The following ERVFRD-1 variants were observed in gnomAD, a reference collection of about 807,000 sequenced individuals.
The protein encoded by ERVFRD-1 is syncytin-2.
ERVFRD-1 carries 33 observed loss-of-function variants against 43.8 expected under a neutral mutation model. That is an observed-to-expected ratio of 0.75 (90% CI 0.57 to 1.01). The LOEUF (loss-of-function observed/expected upper bound fraction) is 1.01, where lower values mean the gene tolerates loss of function less well. Ranked by LOEUF, ERVFRD-1 falls within the 50% of genes least tolerant of loss-of-function variation. ERVFRD-1 has a pLI of 0.00. For missense variants in ERVFRD-1, 568 were observed against 658.4 expected (o/e 0.86, Z 1.50); for synonymous variants, 239 against 244.4 (o/e 0.98, Z 0.21).
In ERVFRD-1 at chr6:11,105,167, G is replaced by A; in HGVS notation, c.144C>T (p.Ser48=). 3 of 1,614,210 alleles carry A rather than the reference G, an allele frequency of 1.9e-6. No homozygotes were observed. Among genetic ancestry groups the A allele is most frequent in the Non-Finnish European group, 2.5e-6 (3 of 1,180,030 alleles). Residue 48 remains serine, a synonymous_variant, in exon 2 of 2, where the codon AGC becomes AGT. Coordinates refer to ENST00000472091, the MANE Select transcript of ERVFRD-1 (RefSeq NM_207582.3). ...CTGTCCCTGGTGTTTCAGTGGAAGAGCTAGTACATAACCAGCAATTGGTGG... is the reference window on the plus strand; with the variant it reads ...CTGTCCCTGGTGTTTCAGTGGAAGAACTAGTACATAACCAGCAATTGGTGG... ...PYSTNCWLCT[S]SSTETPGTAY...
chr6:11,105,136 G>C lies in ERVFRD-1; in HGVS notation c.175C>G (p.Pro59Ala). 1.2e-6 allele frequency: 2 copies of C among 1,614,220 alleles called. No homozygotes were observed. Among genetic ancestry groups the C allele is most frequent in the Non-Finnish European group, 1.7e-6 (2 of 1,180,038 alleles). Reference sequence around the variant, plus strand: ...CTTGTCCATTCTCTGGGCGAGGCTGGATAAGCTGTCCCTGGTGTTTCAGTG... The same window carrying C: ...CTTGTCCATTCTCTGGGCGAGGCTGCATAAGCTGTCCCTGGTGTTTCAGTG... ...SSTETPGTAY[P>A]ASPREWTSIE... is the part of the protein sequence containing the mutation. The change falls in exon 2 of 2, where the codon CCA (proline) becomes GCA (alanine). Residue 59 changes from proline to alanine, a missense_variant. Pro to Ala is a conservative substitution (Grantham distance 27, BLOSUM62 -1). Coordinates refer to ENST00000472091, the MANE Select transcript of ERVFRD-1 (RefSeq NM_207582.3).
chr6:11,103,558 G>A lies in ERVFRD-1; in HGVS notation c.*136C>T. 8.3e-6 allele frequency: 11 copies of A among 1,318,686 alleles called. No individual in the cohort carries two copies. Among genetic ancestry groups the A allele is most frequent in the Non-Finnish European group, 1.1e-5 (11 of 994,910 alleles). 81.7% of individuals were successfully genotyped at this position (1,318,686 alleles called of 1,614,324 possible). A position where few individuals can be genotyped will look rare whatever the true frequency, so the allele number is the denominator to read the frequency against. ...AGGGGCTGTAGTGGTTGTTCTGTGG[G>A]TCTTGGCCTCTTGCTAGCTGTCAGG... On this transcript the variant is annotated 3_prime_UTR_variant, in exon 2 of 2. Coordinates refer to ENST00000472091, the MANE Select transcript of ERVFRD-1 (RefSeq NM_207582.3).
In ERVFRD-1 at chr6:11,103,673, C is replaced by G; in HGVS notation, c.*21G>C. The stretch of plus-strand genomic sequence containing the variant: ...TTTCGCCTCTGTCGTGTTCCACTAG[C>G]GAGCAGTCTAGGGGTCCTCCTTAGA... On this transcript the variant is annotated 3_prime_UTR_variant, in exon 2 of 2. Transcript: ENST00000472091. The G allele has an allele frequency of 1.3e-6, 2 of 1,523,880 alleles. No homozygotes were observed. The highest frequency in any genetic ancestry group is 1.8e-6 in the Non-Finnish European group (2 of 1,133,656). 94.4% of individuals were successfully genotyped at this position (1,523,880 alleles called of 1,614,324 possible). A position where few individuals can be genotyped will look rare whatever the true frequency, so the allele number is the denominator to read the frequency against.
At chr6:11,109,382 G>C (rs1758136587) in intron 1 of ERVFRD-1, among the ~76,000 whole-genome samples, 1 of 152,212 alleles carries the variant, frequency 6.6e-6, no homozygotes. Context: ...AACTTAAGGA[G>C]GTGGTGTCCA....
Position 11,104,447 on chromosome 6 carries a change from G to A in ERVFRD-1, c.864C>T (p.Ile288=). 1 of 1,551,858 alleles carries A rather than the reference G, an allele frequency of 6.4e-7. No individual in the cohort carries two copies. Among genetic ancestry groups the A allele is most frequent in the Non-Finnish European group, 8.7e-7 (1 of 1,147,058 alleles). The part of the protein sequence containing the change: ...TSLTPLFHFH[I]STCLKTQGAF... Reference sequence around the variant, plus strand: ...CTCCTTGAGTTTTAAGGCATGTAGAGATATGGAAATGAAATAAGGGGGTGA... The same window carrying A: ...CTCCTTGAGTTTTAAGGCATGTAGAAATATGGAAATGAAATAAGGGGGTGA... The change falls in exon 2 of 2, where the codon ATC becomes ATT. Residue 288 remains isoleucine (I), a synonymous_variant. Coordinates refer to ENST00000472091, the MANE Select transcript of ERVFRD-1 (RefSeq NM_207582.3).
chr6:11,109,137 G>A (rs1056062963), intron 1 of ERVFRD-1, among the ~76,000 whole-genome samples: 92 of 152,340 alleles, frequency 6.0e-4, no homozygotes, highest in African/African-American at 2.0e-3. Context: ...TTGTTGGACC[G>A]CCACCATAAT....
rs572727451 is a variant in ERVFRD-1 at position 11,105,340 on chromosome 6, G to A, written c.-30C>T. The stretch of plus-strand genomic sequence containing the variant: ...ACCTAAGAGAAACTGGTCACAAAAC[G>A]AGCTGCCAATGGAACTCCTGGTGGT... On this transcript the variant is annotated 5_prime_UTR_variant, in exon 2 of 2. Coordinates refer to ENST00000472091, the MANE Select transcript of ERVFRD-1 (RefSeq NM_207582.3). The A allele has an allele frequency of 1.3e-5, 20 of 1,550,884 alleles. No homozygotes were observed. Among genetic ancestry groups the A allele is most frequent in the Middle Eastern group, 1.7e-4 (1 of 5,850 alleles).
rs1258324122 is a variant in ERVFRD-1, at chr6:11,105,524, G to A, written c.-214C>T. The A allele has an allele frequency of 5.7e-6, 3 of 529,656 alleles. No individual in the cohort carries two copies. The East Asian group carries it at 9.7e-5, about 17-fold the overall frequency. 32.8% of individuals were successfully genotyped at this position (529,656 alleles called of 1,614,324 possible). ...TTAGATCTTCCAGTGCCTTGCAAGTGTATTCCGGAGCTGAGGTTGCTGGTT... is the reference window on the plus strand; with the variant it reads ...TTAGATCTTCCAGTGCCTTGCAAGTATATTCCGGAGCTGAGGTTGCTGGTT... On this transcript the variant is annotated 5_prime_UTR_variant, in exon 2 of 2. Transcript: ENST00000472091.
chr6:11,103,691 T>G lies in ERVFRD-1; in HGVS notation c.*3A>C. On this transcript the variant is annotated 3_prime_UTR_variant, in exon 2 of 2. Transcript: ENST00000472091. ...CCACTAGCGAGCAGTCTAGGGGTCC[T>G]CCTTAGAAGGGTGACTCTTGAATAT... is the stretch of plus-strand genomic sequence containing the variant. The G allele has an allele frequency of 6.5e-7, 1 of 1,548,074 alleles. No homozygotes were observed. The highest frequency in any genetic ancestry group is 8.7e-7 in the Non-Finnish European group (1 of 1,145,062).
In ERVFRD-1 at chr6:11,103,797, T is replaced by G. The variant is rs1355627237; in HGVS notation, c.1514A>C (p.Asn505Thr). 1.3e-6 allele frequency: 2 copies of G among 1,551,622 alleles called. No homozygotes were observed. Among genetic ancestry groups the G allele is most frequent in the South Asian group, 1.2e-5 (1 of 84,056 alleles). ...LLLLFGPCLL[N>T]LITQFVSSRL... Reference sequence around the variant, plus strand: ...AGAGGAGACAAATTGGGTTATTAGATTTAGGAGACATGGACCAAAAAGGAG... The same window carrying G: ...AGAGGAGACAAATTGGGTTATTAGAGTTAGGAGACATGGACCAAAAAGGAG... The change falls in exon 2 of 2, where the codon AAT (asparagine) becomes ACT (threonine). Residue 505 changes from asparagine to threonine, a missense_variant. Coordinates refer to ENST00000472091, the MANE Select transcript of ERVFRD-1 (RefSeq NM_207582.3).
Position 11,104,702 on chromosome 6 carries a change from T to A in ERVFRD-1, c.609A>T (p.Arg203=). 7 of 1,614,210 alleles carry A rather than the reference T, an allele frequency of 4.3e-6. No individual in the cohort carries two copies. The highest frequency in any genetic ancestry group is 5.9e-6 in the Non-Finnish European group (7 of 1,180,036). Reference sequence around the variant, plus strand: ...AATCAGCAGGCCGGAACCAGAAGTTTCGAGTACTGCATGAGCTTGGGCGTC... The same window carrying A: ...AATCAGCAGGCCGGAACCAGAAGTTACGAGTACTGCATGAGCTTGGGCGTC... ...CQGRPSSCST[R]NFWFRPADYN... Residue 203 remains arginine (R), a synonymous_variant, in exon 2 of 2, where the codon CGA becomes CGT. Transcript: ENST00000472091.
rs767814724 is a variant in ERVFRD-1 at position 11,105,004 on chromosome 6, T to C, written c.307A>G (p.Ile103Val). The C allele has an allele frequency of 1.5e-5, 25 of 1,614,082 alleles. No homozygotes were observed. In the South Asian group the frequency reaches 2.5e-4, roughly 16 times the overall value. ...CCGAAAATGGGAGGTTTCTGGCGGATATCAGGGAAATCTTGCTTTACTGTT... is the reference window on the plus strand; with the variant it reads ...CCGAAAATGGGAGGTTTCTGGCGGACATCAGGGAAATCTTGCTTTACTGTT... ...LSTVKQDFPD[I>V]RQKPPIFGPI... is the part of the protein sequence containing the mutation. Residue 103 changes from isoleucine (I) to valine (V), a missense_variant, in exon 2 of 2, where the codon ATC (isoleucine) becomes GTC (valine). Coordinates refer to ENST00000472091, the MANE Select transcript of ERVFRD-1 (RefSeq NM_207582.3).
chr6:11,111,041 G>A (rs1187637499), intron 1 of ERVFRD-1, among the ~76,000 whole-genome samples: 4 of 152,280 alleles, frequency 2.6e-5, no homozygotes, highest in East Asian at 3.9e-4. Context: ...TGTCTATCCC[G>A]GCAGTGAGCC....
At position 11,103,930 on chromosome 6, in the gene ERVFRD-1, T is replaced by G; in HGVS notation, c.1381A>C (p.Ser461Arg). The G allele has an allele frequency of 6.4e-7, 1 of 1,551,662 alleles. No individual in the cohort carries two copies. Among genetic ancestry groups the G allele is most frequent in the Non-Finnish European group, 8.7e-7 (1 of 1,146,984 alleles). Residue 461 changes from serine (S) to arginine (R), a missense_variant, in exon 2 of 2, where the codon AGT becomes CGT. Ser to Arg is a moderately radical substitution (Grantham distance 110). Coordinates refer to ENST00000472091, the MANE Select transcript of ERVFRD-1 (RefSeq NM_207582.3). Reference sequence around the variant, plus strand: ...CCCTGAGTGGCTCGTTCCCGTAAACTGGAGGCTTGATTTAGGAGTTGTCTG... The same window carrying G: ...CCCTGAGTGGCTCGTTCCCGTAAACGGGAGGCTTGATTTAGGAGTTGTCTG... ...NIRQLLNQAS[S>R]LRERATQGWL... is the part of the protein sequence containing the mutation.
Position 11,104,305 on chromosome 6 carries a change from GA to G in ERVFRD-1, c.1005del (p.Pro336GlnfsTer13). 6.4e-7 allele frequency: 1 copy of G among 1,551,702 alleles called. No individual in the cohort carries two copies. The highest frequency in any genetic ancestry group is 8.7e-7 in the Non-Finnish European group (1 of 1,147,004). On this transcript the variant is annotated frameshift_variant, in exon 2 of 2. Transcript: ENST00000472091. LOFTEE classifies it high-confidence loss of function. ...DIFIAPGNLS[L>X]PIPIYGNSPL... ...GGGGAATTCCCATAGATTGGTATTGGAAGAGAGAGATTGCCAGGGGCTATGA... is the reference window on the plus strand; with the variant it reads ...GGGGAATTCCCATAGATTGGTATTGGAGAGAGAGATTGCCAGGGGCTATGA...
At chr6:11,106,929 C>T (rs960432093) in intron 1 of ERVFRD-1, among the ~76,000 whole-genome samples, 2 of 152,190 alleles carry the variant, frequency 1.3e-5, no homozygotes, top group Non-Finnish European at 2.9e-5. Flanking sequence ...GAACCAGAAA[C>T]GTGTATTTGG....
In ERVFRD-1 at chr6:11,102,579, A is replaced by G. The variant is rs1007529194; in HGVS notation, c.*1115T>C. The G allele has an allele frequency of 1.3e-5, 2 of 152,222 alleles. No homozygotes were observed. The highest frequency in any genetic ancestry group is 4.8e-5 in the African/African-American group (2 of 41,464). 9.4% of individuals were successfully genotyped at this position (152,222 alleles called of 1,614,324 possible). A position where few individuals can be genotyped will look rare whatever the true frequency, so the allele number is the denominator to read the frequency against. ...AACTGGGTCTCTACTACAGAGGTACAAGGGGGAAAATTTTATAAGGTTCCC... is the reference window on the plus strand; with the variant it reads ...AACTGGGTCTCTACTACAGAGGTACGAGGGGGAAAATTTTATAAGGTTCCC... On this transcript the variant is annotated 3_prime_UTR_variant, in exon 2 of 2. Transcript: ENST00000472091.
rs1045384160 is a variant in ERVFRD-1, at chr6:11,110,856, G to A, written c.-321+821C>T. On this transcript the variant is annotated intron_variant, in intron 1 of 1. Transcript: ENST00000472091. ...AGAGAATTTTCCTTCCCCACAAAGG[G>A]GTGCTAACTCAGAAAAAAAGCGAGT... Among the ~76,000 whole-genome samples the A allele has an allele frequency of 8.5e-5, 13 of 152,288 alleles. No individual in the cohort carries two copies. The Middle Eastern group carries it at 0.01, about 120-fold the overall frequency.
Position 11,104,806 on chromosome 6 carries a change from G to C in ERVFRD-1, c.505C>G (p.Gln169Glu). 1 of 1,614,238 alleles carries C rather than the reference G, an allele frequency of 6.2e-7. No individual in the cohort carries two copies. Among genetic ancestry groups the C allele is most frequent in the Non-Finnish European group, 8.5e-7 (1 of 1,180,040 alleles). The change falls in exon 2 of 2, where the codon CAA becomes GAA. Residue 169 changes from glutamine (Q) to glutamate (E), a missense_variant. Gln to Glu is a conservative substitution (Grantham distance 29). Coordinates refer to ENST00000472091, the MANE Select transcript of ERVFRD-1 (RefSeq NM_207582.3). Reference sequence around the variant, plus strand: ...TTTGGAGGTTTGGGGAATCTTGGTTGATGGCGGAATTGGTTGTGGGTGTAT... The same window carrying C: ...TTTGGAGGTTTGGGGAATCTTGGTTCATGGCGGAATTGGTTGTGGGTGTAT... Reference protein sequence around the residue: ...QTYTHNQFRHQPRFPKPPNIT... With the variant: ...QTYTHNQFRHEPRFPKPPNIT...
Sources: gnomAD v4.1 joint callset for allele counts (sites outside exome capture counted in the v4.1 genomes callset) on GRCh38, gnomAD v4.1.1 for gene constraint, MANE v1.5 for transcripts, NCBI Gene and HGNC (gene_info 2026-07-23, HGNC 2026-07-21) for gene names.